The following ROR2 variants were observed in gnomAD, a reference collection of about 807,000 sequenced individuals.
ROR2 encodes the protein ROR family WNT receptor 2.
Under a neutral mutation model 74.9 loss-of-function variants are expected in ROR2, and 33 were observed. That is an observed-to-expected ratio of 0.44 (90% CI 0.33 to 0.59). ROR2 has a LOEUF of 0.59. ROR2 is among the 20% of genes least tolerant of loss of function. ROR2 has a pLI of 0.02. For missense variants in ROR2, 1,216 were observed against 1,313.8 expected (o/e 0.93, Z 1.15); for synonymous variants, 586 against 558.7 (o/e 1.05, Z -0.69).
chr9:91,863,687 A>G (rs1373070853), intron 1 of ROR2, among the ~76,000 whole-genome samples: 1 of 152,130 alleles, frequency 6.6e-6, no homozygotes, highest in Non-Finnish European at 1.5e-5. Flanking sequence ...CGTTTATATG[A>G]AATGTCCAGA....
At chr9:91,748,566 G>C (rs1587682667) in intron 4 of ROR2, among the ~76,000 whole-genome samples, 1 of 152,210 alleles carries the variant, frequency 6.6e-6, no homozygotes, top group African/African-American at 2.4e-5. Context: ...GTGGGTGTAA[G>C]ATTTGTATTT....
intron 7 of ROR2, among the ~76,000 whole-genome samples, chr9:91,729,571 CAGG>C (rs891740149): frequency 6.6e-6 from 1 of 152,208 alleles, no homozygotes; most frequent in Non-Finnish European, 1.5e-5. Context: ...GCCTGCACCC[CAGG>C]AGGAGATCTC....
chr9:91,794,590 T>C (rs1438997140), intron 1 of ROR2, among the ~76,000 whole-genome samples: 1 of 152,150 alleles, frequency 6.6e-6, no homozygotes, highest in Non-Finnish European at 1.5e-5. Context: ...TTTTTGTCTT[T>C]CTCTTTTTTC....
chr9:91,778,689 G>A (rs1826506365), intron 1 of ROR2, among the ~76,000 whole-genome samples: 2 of 152,080 alleles, frequency 1.3e-5, no homozygotes, highest in Admixed American at 1.3e-4. Context: ...CCTCCGTTTG[G>A]GTAAAATGCT....
At chr9:91,757,231 T>A (rs765185995) in intron 3 of ROR2, 41 bp downstream of exon 3, 2 of 1,612,864 alleles carry the variant, frequency 1.2e-6, no homozygotes, top group Non-Finnish European at 1.7e-6. Flanking sequence ...GCTGGGAACC[T>A]TCATATCTGC....
At chr9:91,873,296 GT>G (rs763927617) in intron 1 of ROR2, among the ~76,000 whole-genome samples, 3 of 152,164 alleles carry the variant, frequency 2.0e-5, no homozygotes, top group Non-Finnish European at 2.9e-5. Flanking sequence ...AAAGCCACCA[GT>G]GGGGCTGGGC....
At chr9:91,854,112 G>A (rs549945467) in intron 1 of ROR2, among the ~76,000 whole-genome samples, 3 of 152,278 alleles carry the variant, frequency 2.0e-5, no homozygotes, top group Admixed American at 1.3e-4. Context: ...GCCCCTGTGG[G>A]AGGCCACACA....
intron 1 of ROR2, among the ~76,000 whole-genome samples, chr9:91,909,847 G>GTTTTTTT (rs71362365): frequency 9.7e-4 from 52 of 53,588 alleles, no homozygotes; most frequent in East Asian, 2.0e-3. Context: ...GGTTTGTTTT[G>GTTTTTTT]TTTTTTTTTT....
intron 1 of ROR2, among the ~76,000 whole-genome samples, chr9:91,922,353 GCGTCTTCTCTGAGT>G (rs1831292390): frequency 1.3e-5 from 2 of 152,170 alleles, no homozygotes; most frequent in East Asian, 3.9e-4. Context: ...GAAATCAACA[GCGTCTTCTCTGAGT>G]CCCATCTTCC....
intron 1 of ROR2, among the ~76,000 whole-genome samples, chr9:91,871,459 A>C (rs1829794569): frequency 6.6e-6 from 1 of 152,246 alleles, no homozygotes; most frequent in Non-Finnish European, 1.5e-5. Context: ...ACAAACATAC[A>C]TATGCCTGTG....
intron 1 of ROR2, among the ~76,000 whole-genome samples, chr9:91,910,930 C>T (rs773722746): frequency 6.6e-6 from 1 of 152,236 alleles, no homozygotes; most frequent in Non-Finnish European, 1.5e-5. Flanking sequence ...TCCCAAAGTG[C>T]TGGGATTACA....
intron 1 of ROR2, among the ~76,000 whole-genome samples, chr9:91,889,702 T>C (rs11789973): frequency 0.28 from 42,440 of 152,044 alleles, 6,217 homozygotes; most frequent in Admixed American, 0.42. Flanking sequence ...TCCCTAAAAC[T>C]GGGCCAAGGA....
chr9:91,821,291 C>T (rs1587752290), intron 1 of ROR2, among the ~76,000 whole-genome samples: 1 of 152,168 alleles, frequency 6.6e-6, no homozygotes, highest in Non-Finnish European at 1.5e-5. Context: ...TTTAAGCCAC[C>T]CAGTCTGTGG....
intron 1 of ROR2, among the ~76,000 whole-genome samples, chr9:91,862,287 G>A (rs796206519): frequency 7.9e-5 from 12 of 151,920 alleles, no homozygotes; most frequent in African/African-American, 2.7e-4. Flanking sequence ...CTGACATCAC[G>A]CCACTGCACT....
chr9:91,868,639 A>T (rs889597556), intron 1 of ROR2, among the ~76,000 whole-genome samples: 2 of 152,216 alleles, frequency 1.3e-5, no homozygotes, highest in Non-Finnish European at 2.9e-5. Context: ...GTTAAAAACA[A>T]TGAAGGCCAG....
At chr9:91,802,089 T>C (rs1439055795) in intron 1 of ROR2, among the ~76,000 whole-genome samples, 1 of 128,824 alleles carries the variant, frequency 7.8e-6, no homozygotes, top group Non-Finnish European at 1.5e-5. Context: ...TTTTTTTTTT[T>C]TGGAGATGGA....
chr9:91,810,967 G>A (rs989880756), intron 1 of ROR2, among the ~76,000 whole-genome samples: 15 of 152,220 alleles, frequency 9.9e-5, no homozygotes, highest in African/African-American at 2.2e-4. Flanking sequence ...GGTGTCACAC[G>A]TCACGTGGTT....
At chr9:91,855,470 C>A (rs1488143693) in intron 1 of ROR2, among the ~76,000 whole-genome samples, 1 of 152,182 alleles carries the variant, frequency 6.6e-6, no homozygotes, top group Non-Finnish European at 1.5e-5. Context: ...GATCCCAGGC[C>A]GAGAAGGGAG....
chr9:91,726,708 T>G lies in ROR2; in HGVS notation c.1219A>C (p.Ile407Leu). ...RDSSKMGILY[I>L]LVPSIAIPLV... is the part of the protein sequence containing the mutation. ...GGAATTGCGATGCTGGGGACCAAGA[T>G]GTACAGAATCCCCATCTTGCTGCTG... Residue 407 changes from isoleucine (I) to leucine (L), a missense_variant, in exon 8 of 9, where the codon ATC becomes CTC. Ile to Leu is a conservative substitution (Grantham distance 5, BLOSUM62 2). Transcript: ENST00000375708. 1 of 1,613,984 alleles carries G rather than the reference T, an allele frequency of 6.2e-7. No homozygotes were observed. The highest frequency in any genetic ancestry group is 1.1e-5 in the South Asian group (1 of 91,054).
Sources: gnomAD v4.1 joint callset for allele counts (sites outside exome capture counted in the v4.1 genomes callset) on GRCh38, gnomAD v4.1.1 for gene constraint, MANE v1.5 for transcripts, NCBI Gene and HGNC (gene_info 2026-07-23, HGNC 2026-07-21) for gene names.